The following MAFB variants were observed in gnomAD, a reference collection of about 807,000 sequenced individuals.
MAFB encodes the protein MAF bZIP transcription factor B.
In MAFB, 3 loss-of-function variants were observed where a neutral mutation model predicts 17.7. The observed-to-expected ratio is 0.17, with a 90% CI of 0.08 to 0.44. The LOEUF is 0.44. MAFB is among the 20% of genes least tolerant of loss of function. MAFB has a pLI of 0.99. For synonymous variants in MAFB, 214 were observed against 211.5 expected, an observed-to-expected ratio of 1.01 and a Z score of -0.10; for missense variants, 355 against 461.3, an observed-to-expected ratio of 0.77 and a Z score of 2.11.
Position 40,689,023 on chromosome 20 carries a change from C to T in MAFB, c.-173G>A, listed in dbSNP as rs1986914703. 7 of 905,636 alleles carry T rather than the reference C, an allele frequency of 7.7e-6. No homozygotes were observed. The Admixed American group carries it at 1.2e-4, about 16-fold the overall frequency. The allele number at this position is 905,636 out of a possible 1,614,324, so 56.1% of individuals were successfully genotyped here. A position where few individuals can be genotyped will look rare whatever the true frequency, so the allele number is the denominator to read the frequency against. ...TTTGTCTGGGGACGCGGCGGCGCGC[C>T]GGAGAGTCCCGAGGCTGCCTGCACC... On this transcript the variant is annotated 5_prime_UTR_variant, in exon 1 of 1. Transcript: ENST00000373313.
In MAFB at chr20:40,688,751, C is replaced by T. The variant is rs1218714074; in HGVS notation, c.100G>A (p.Glu34Lys). 1 of 1,613,772 alleles carries T rather than the reference C, an allele frequency of 6.2e-7. No homozygotes were observed. The highest frequency in any genetic ancestry group is 8.5e-7 in the Non-Finnish European group (1 of 1,179,910). ...FDLLKFDVKK[E>K]PLGRAERPGR... ...GGACGCTCCGCGCGCCCCAGTGGCT[C>T]CTTCTTCACGTCGAACTTGAGCAGG... Residue 34 changes from glutamate to lysine, a missense_variant, in exon 1 of 1, where the codon GAG becomes AAG. Glu to Lys is a moderately conservative substitution (Grantham distance 56). Around this residue, in one of 3 missense-constraint regions of MAFB, gnomAD observed 285 missense variants for 350.0 expected, o/e 0.81. Coordinates refer to ENST00000373313, the MANE Select transcript of MAFB (RefSeq NM_005461.5).
chr20:40,687,053 G>T lies in MAFB; in HGVS notation c.*826C>A, dbSNP rs1054558138. ...GTTCTCTATGCGGTTTGGCGGGGCG[G>T]GTATTTACAAGCCTACAGCTGGGAC... On this transcript the variant is annotated 3_prime_UTR_variant, in exon 1 of 1. Coordinates refer to ENST00000373313, the MANE Select transcript of MAFB (RefSeq NM_005461.5). 1.0e-4 allele frequency: 40 copies of T among 398,880 alleles called. No individual in the cohort carries two copies. The highest frequency in any genetic ancestry group is 8.0e-4 in the African/African-American group (39 of 48,690). The allele number at this position is 398,880 out of a possible 1,614,324, so 24.7% of individuals were successfully genotyped here. A position where few individuals can be genotyped will look rare whatever the true frequency, so the allele number is the denominator to read the frequency against.
In MAFB at chr20:40,688,989, G is replaced by C. The variant is rs924169492; in HGVS notation, c.-139C>G. ...GAGGGCGCAGCGGGCCGGGGCCGCC[G>C]GCCAAGCCTTTGTCTGGGGACGCGG... On this transcript the variant is annotated 5_prime_UTR_variant, in exon 1 of 1. Coordinates refer to ENST00000373313, the MANE Select transcript of MAFB (RefSeq NM_005461.5). 29 of 1,248,736 alleles carry C rather than the reference G, an allele frequency of 2.3e-5. No individual in the cohort carries two copies. Among genetic ancestry groups the C allele is most frequent in the Middle Eastern group, 2.8e-4 (1 of 3,556 alleles). 77.4% of individuals were successfully genotyped at this position (1,248,736 alleles called of 1,614,324 possible). A position where few individuals can be genotyped will look rare whatever the true frequency, so the allele number is the denominator to read the frequency against.
chr20:40,688,739 G>T lies in MAFB; in HGVS notation c.112C>A (p.Arg38Ser). ...KFDVKKEPLG[R>S]AERPGRPCTR... ...CAGGGCCTGCCCGGACGCTCCGCGC[G>T]CCCCAGTGGCTCCTTCTTCACGTCG... Residue 38 changes from arginine (R) to serine (S), a missense_variant, in exon 1 of 1, where the codon CGC becomes AGC. Around this residue, in one of 3 missense-constraint regions of MAFB, gnomAD observed 285 missense variants for 350.0 expected, o/e 0.81. Transcript: ENST00000373313. The T allele has an allele frequency of 6.2e-7, 1 of 1,613,904 alleles. No homozygotes were observed.
chr20:40,688,759 A>C lies in MAFB; in HGVS notation c.92T>G (p.Val31Gly). ...VNDFDLLKFD[V>G]KKEPLGRAER... ...CGCGCGCCCCAGTGGCTCCTTCTTC[A>C]CGTCGAACTTGAGCAGGTCGAAGTC... is the stretch of plus-strand genomic sequence containing the variant. The change falls in exon 1 of 1, where the codon GTG (valine) becomes GGG (glycine). Residue 31 changes from valine (V) to glycine (G), a missense_variant. Val to Gly is a moderately radical substitution (Grantham distance 109, BLOSUM62 -3). This residue lies in a region of MAFB where 285 missense variants were observed against 350.0 expected (regional missense o/e 0.81). Coordinates refer to ENST00000373313, the MANE Select transcript of MAFB (RefSeq NM_005461.5). The C allele has an allele frequency of 6.2e-7, 1 of 1,613,760 alleles. No homozygotes were observed.
At position 40,686,284 on chromosome 20, in the gene MAFB, C is replaced by T. The variant is rs1986825801; in HGVS notation, c.*1595G>A. 5.1e-6 allele frequency: 1 copy of T among 197,224 alleles called. No homozygotes were observed. The highest frequency in any genetic ancestry group is 6.2e-5 in the Admixed American group (1 of 16,056). The allele number at this position is 197,224 out of a possible 1,614,324, so 12.2% of individuals were successfully genotyped here. Reference sequence around the variant, plus strand: ...CAACTTAAATCCTTTTACTGACCTGCAGAAAAAAAAAAGTAATAATAAAGA... The same window carrying T: ...CAACTTAAATCCTTTTACTGACCTGTAGAAAAAAAAAAGTAATAATAAAGA... On this transcript the variant is annotated 3_prime_UTR_variant, in exon 1 of 1. Coordinates refer to ENST00000373313, the MANE Select transcript of MAFB (RefSeq NM_005461.5).
At position 40,687,603 on chromosome 20, in the gene MAFB, C is replaced by T. The variant is rs1986859193; in HGVS notation, c.*276G>A. ...CGCCCTTCAGCCTGGAGAGAAGTTA[C>T]TCCGGGACCTCCCACCCTCTCGTCT... On this transcript the variant is annotated 3_prime_UTR_variant, in exon 1 of 1. Transcript: ENST00000373313. The T allele has an allele frequency of 3.5e-6, 2 of 570,222 alleles. No homozygotes were observed. Among genetic ancestry groups the T allele is most frequent in the South Asian group, 2.3e-5 (1 of 43,224 alleles). The allele number at this position is 570,222 out of a possible 1,614,324, so 35.3% of individuals were successfully genotyped here.
Position 40,688,530 on chromosome 20 carries a change from C to G in MAFB, c.321G>C (p.Ala107=), listed in dbSNP as rs1333703088. 6.2e-7 allele frequency: 1 copy of G among 1,613,766 alleles called. No homozygotes were observed. The highest frequency in any genetic ancestry group is 8.5e-7 in the Non-Finnish European group (1 of 1,179,964). The change falls in exon 1 of 1, where the codon GCG becomes GCC. Residue 107 remains alanine (A), a synonymous_variant. Transcript: ENST00000373313. ...PEALNLTPED[A]VEALIGSHPV... ...GGTGCGAGCCGATGAGCGCTTCCAC[C>G]GCGTCCTCGGGCGTCAGGTTGAGCG...
Position 40,689,056 on chromosome 20 carries a change from A to C in MAFB, c.-206T>G, listed in dbSNP as rs527524576. On this transcript the variant is annotated 5_prime_UTR_variant, in exon 1 of 1. Transcript: ENST00000373313. ...CCCGAGGCTGCCTGCACCGCCCCAG[A>C]GCTCTGGGCTGTGCCCGCGCAGGGA... The C allele has an allele frequency of 9.0e-3, 5,676 of 633,924 alleles. 41 individuals are homozygous for C. The highest frequency in any genetic ancestry group is 0.011 in the Admixed American group (264 of 23,012). 39.3% of individuals were successfully genotyped at this position (633,924 alleles called of 1,614,324 possible). A position where few individuals can be genotyped will look rare whatever the true frequency, so the allele number is the denominator to read the frequency against.
rs746015339 is a variant in MAFB, at chr20:40,687,988, G to A, written c.863C>T (p.Ala288Val). ...EQLKQEVSRL[A>V]RERDAYKVKC... ...GACCTTGTAGGCGTCTCTCTCGCGG[G>A]CCAGCCGGGACACCTCCTGCTTAAG... Residue 288 changes from alanine (A) to valine (V), a missense_variant, in exon 1 of 1, where the codon GCC becomes GTC. This residue lies in a region of MAFB where 63 missense variants were observed against 69.4 expected (regional missense o/e 0.91). Transcript: ENST00000373313. 6.2e-6 allele frequency: 10 copies of A among 1,614,010 alleles called. No individual in the cohort carries two copies. In the Admixed American group the frequency reaches 1.7e-4, roughly 27 times the overall value.
chr20:40,688,591 C>A lies in MAFB; in HGVS notation c.260G>T (p.Trp87Leu). 6.2e-7 allele frequency: 1 copy of A among 1,614,110 alleles called. No individual in the cohort carries two copies. The highest frequency in any genetic ancestry group is 1.1e-5 in the South Asian group (1 of 91,088). Residue 87 changes from tryptophan (W) to leucine (L), a missense_variant, in exon 1 of 1, where the codon TGG becomes TTG. Coordinates refer to ENST00000373313, the MANE Select transcript of MAFB (RefSeq NM_005461.5). ...EQKTHLEDLY[W>L]MASNYQQMNP... ...CATCTGCTGGTAGTTGCTCGCCATC[C>A]AGTACAGATCCTCGAGGTGTGTCTT...
rs1986912726 is a variant in MAFB, at chr20:40,688,971, C to G, written c.-121G>C. 1 of 1,347,862 alleles carries G rather than the reference C, an allele frequency of 7.4e-7. No individual in the cohort carries two copies. 83.5% of individuals were successfully genotyped at this position (1,347,862 alleles called of 1,614,324 possible). A position where few individuals can be genotyped will look rare whatever the true frequency, so the allele number is the denominator to read the frequency against. On this transcript the variant is annotated 5_prime_UTR_variant, in exon 1 of 1. Coordinates refer to ENST00000373313, the MANE Select transcript of MAFB (RefSeq NM_005461.5). ...GCTGGGGAGGCGGGGAGCGAGGGCG[C>G]AGCGGGCCGGGGCCGCCGGCCAAGC...
rs1986861080 is a variant in MAFB, at chr20:40,687,672, C to T, written c.*207G>A. 8.0e-6 allele frequency: 5 copies of T among 623,530 alleles called. No homozygotes were observed. The Admixed American group carries it at 1.2e-4, about 15-fold the overall frequency. 38.6% of individuals were successfully genotyped at this position (623,530 alleles called of 1,614,324 possible). The stretch of plus-strand genomic sequence containing the variant: ...GAGTCTAGGAGGCGGCGCTGGCGTG[C>T]GCTACTCTCGCCTTAGCCAAGGTCC... On this transcript the variant is annotated 3_prime_UTR_variant, in exon 1 of 1. Transcript: ENST00000373313.
Position 40,688,725 on chromosome 20 carries a change from C to G in MAFB, c.126G>C (p.Pro42=). Residue 42 remains proline (P), a synonymous_variant, in exon 1 of 1, where the codon CCG becomes CCC. Coordinates refer to ENST00000373313, the MANE Select transcript of MAFB (RefSeq NM_005461.5). ...GCTGCAGGCGTGTGCAGGGCCTGCC[C>G]GGACGCTCCGCGCGCCCCAGTGGCT... The part of the protein sequence containing the change: ...KKEPLGRAER[P]GRPCTRLQPA... The G allele has an allele frequency of 1.2e-6, 2 of 1,613,842 alleles. No individual in the cohort carries two copies. Among genetic ancestry groups the G allele is most frequent in the Non-Finnish European group, 1.7e-6 (2 of 1,179,890 alleles).
rs999111837 is a variant in MAFB at position 40,687,713 on chromosome 20, A to G, written c.*166T>C. Reference sequence around the variant, plus strand: ...GCCAAGGTCCCCTGCCCGCCCGCGCACCCGCCCGTCGCCCGCGGCCCGCGC... The same window carrying G: ...GCCAAGGTCCCCTGCCCGCCCGCGCGCCCGCCCGTCGCCCGCGGCCCGCGC... On this transcript the variant is annotated 3_prime_UTR_variant, in exon 1 of 1. Coordinates refer to ENST00000373313, the MANE Select transcript of MAFB (RefSeq NM_005461.5). 4.7e-6 allele frequency: 4 copies of G among 856,924 alleles called. No homozygotes were observed. Among genetic ancestry groups the G allele is most frequent in the Non-Finnish European group, 7.0e-6 (4 of 571,590 alleles). The allele number at this position is 856,924 out of a possible 1,614,324, so 53.1% of individuals were successfully genotyped here. A position where few individuals can be genotyped will look rare whatever the true frequency, so the allele number is the denominator to read the frequency against.
Position 40,688,179 on chromosome 20 carries a change from C to T in MAFB, c.672G>A (p.Leu224=), listed in dbSNP as rs1350560427. 6.2e-7 allele frequency: 1 copy of T among 1,605,856 alleles called. No individual in the cohort carries two copies. The highest frequency in any genetic ancestry group is 8.5e-7 in the Non-Finnish European group (1 of 1,178,968). ...DQLVSMSVRE[L]NRHLRGFTKD... is the part of the protein sequence containing the mutation. ...TGGTGAAGCCCCGCAGGTGGCGGTT[C>T]AGCTCGCGCACGGACATGGACACGA... The change falls in exon 1 of 1, where the codon CTG becomes CTA. Residue 224 remains leucine (L), a synonymous_variant. Transcript: ENST00000373313.
rs777309003 is a variant in MAFB at position 40,688,796 on chromosome 20, C to G, written c.55G>C (p.Glu19Gln). 1.4e-5 allele frequency: 23 copies of G among 1,613,376 alleles called. No individual in the cohort carries two copies. In the Admixed American group the frequency reaches 3.5e-4, roughly 25 times the overall value. The change falls in exon 1 of 1, where the codon GAG becomes CAG. Residue 19 changes from glutamate to glutamine, a missense_variant. Physicochemically the swap from Glu to Gln is conservative, Grantham distance 29. Transcript: ENST00000373313. ...PELPTSPLAM[E>Q]YVNDFDLLKF... ...AGCAGGTCGAAGTCGTTGACATACT[C>G]CATGGCCAGCGGGCTGGTGGGCAGC...
In MAFB at chr20:40,688,955, GC is replaced by G; in HGVS notation, c.-106del. Reference sequence around the variant, plus strand: ...GGAAGAGCGGAGAAGAGCTGGGGAGGCGGGGAGCGAGGGCGCAGCGGGCCGG... The same window carrying G: ...GGAAGAGCGGAGAAGAGCTGGGGAGGGGGGAGCGAGGGCGCAGCGGGCCGG... On this transcript the variant is annotated 5_prime_UTR_variant, in exon 1 of 1. Coordinates refer to ENST00000373313, the MANE Select transcript of MAFB (RefSeq NM_005461.5). The G allele has an allele frequency of 7.1e-7, 1 of 1,402,008 alleles. No individual in the cohort carries two copies. The highest frequency in any genetic ancestry group is 9.3e-7 in the Non-Finnish European group (1 of 1,080,782). The allele number at this position is 1,402,008 out of a possible 1,614,324, so 86.8% of individuals were successfully genotyped here. A position where few individuals can be genotyped will look rare whatever the true frequency, so the allele number is the denominator to read the frequency against.
At position 40,686,864 on chromosome 20, in the gene MAFB, G is replaced by A. The variant is rs1986840835; in HGVS notation, c.*1015C>T. ...GAGAGGAAAAAGAGGACCGAATGGG[G>A]ATAAGGGAAGGAAAGAAAACATGCA... On this transcript the variant is annotated 3_prime_UTR_variant, in exon 1 of 1. Transcript: ENST00000373313. The A allele has an allele frequency of 2.5e-6, 1 of 398,530 alleles. No individual in the cohort carries two copies. The highest frequency in any genetic ancestry group is 4.4e-6 in the Non-Finnish European group (1 of 226,084). 24.7% of individuals were successfully genotyped at this position (398,530 alleles called of 1,614,324 possible).
Sources: allele counts gnomAD v4.1 joint callset, GRCh38; gene constraint gnomAD v4.1.1; regional missense constraint gnomAD v4.1.1; transcripts MANE v1.5; gene names NCBI Gene and HGNC (gene_info 2026-07-23, HGNC 2026-07-21).